The following TPM3 variants were observed in gnomAD, a reference collection of about 807,000 sequenced individuals.
TPM3 encodes the protein tropomyosin alpha-3 chain.
In TPM3, 16 loss-of-function variants were observed where a neutral mutation model predicts 43.1. The ratio of observed to expected loss-of-function variants is 0.37; its 90% confidence interval spans 0.25 to 0.56. The LOEUF is 0.56. Among genes scored for constraint, TPM3 ranks in the 20% least tolerant of loss-of-function variants. TPM3 has a pLI of 0.77. For missense variants in TPM3, 176 were observed against 337.2 expected (o/e 0.52, Z 3.74); for synonymous variants, 101 against 116.9 (o/e 0.86, Z 0.88).
At chr1:154,170,126 G>C in intron 8 of TPM3, 1 of 459,236 alleles carries the variant, frequency 2.2e-6, no homozygotes, top group Non-Finnish European at 4.0e-6. Flanking sequence ...TAATAAATTG[G>C]AGGTAAATGC....
rs1661006042 is a variant in TPM3 at position 154,166,655 on chromosome 1, G to C, written c.*1282C>G. On this transcript the variant is annotated 3_prime_UTR_variant, in exon 10 of 10. Coordinates refer to ENST00000651641, the MANE Select transcript of TPM3 (RefSeq NM_152263.4). Reference sequence around the variant, plus strand: ...GTATAATTCACAGCTATACTATTAAGAAATCTCTGCTGTGTAAATTGGAAT... The same window carrying C: ...GTATAATTCACAGCTATACTATTAACAAATCTCTGCTGTGTAAATTGGAAT... The C allele has an allele frequency of 9.7e-7, 1 of 1,028,506 alleles. No individual in the cohort carries two copies. Among genetic ancestry groups the C allele is most frequent in the African/African-American group, 1.7e-5 (1 of 58,830 alleles). The allele number at this position is 1,028,506 out of a possible 1,614,324, so 63.7% of individuals were successfully genotyped here.
intron 3 of TPM3, among the ~76,000 whole-genome samples, chr1:154,174,709 G>A (rs986606920): frequency 1.3e-5 from 2 of 150,956 alleles, no homozygotes; most frequent in African/African-American, 4.9e-5. Flanking sequence ...TGGCTGGGGT[G>A]GTCTTGAACT....
In TPM3 at chr1:154,188,256, AT is replaced by A. The variant is rs1409201254; in HGVS notation, c.243+2929del. 2.6e-5 allele frequency among the ~76,000 whole-genome samples: 4 copies of A among 151,578 alleles called. No individual in the cohort carries two copies. The East Asian group carries it at 7.7e-4, about 29-fold the overall frequency. ...TTTTTTGTAAAGATAGGGCCTCACT[AT>A]GTTCCCCAGGCTGGTCTTGAACTCC... On this transcript the variant is annotated intron_variant, in intron 2 of 9. Transcript: ENST00000651641.
intron 2 of TPM3, among the ~76,000 whole-genome samples, chr1:154,181,674 C>G (rs1387411591): frequency 2.0e-5 from 3 of 152,184 alleles, no homozygotes; most frequent in Admixed American, 6.5e-5. Context: ...AATCCCAGCA[C>G]TTTGGGAGGC....
downstream of TPM3, chr1:154,155,372 C>T (rs1659691323): frequency 5.6e-6 from 2 of 355,198 alleles, no homozygotes; most frequent in Non-Finnish European, 1.0e-5. Context: ...TTTATCTTAA[C>T]ACCACACCCT....
chr1:154,185,315 G>T lies in TPM3; in HGVS notation c.243+5871C>A, dbSNP rs1663359907. ...TTAAATCCAGGAGGCAGAGGTTGCA[G>T]TGAGCTGAGATGGTGCCACTCTACT... is the stretch of plus-strand genomic sequence containing the variant. On this transcript the variant is annotated intron_variant, in intron 2 of 9. Transcript: ENST00000651641. Among the ~76,000 whole-genome samples the T allele has an allele frequency of 2.0e-5, 3 of 149,710 alleles. No homozygotes were observed. The South Asian group carries it at 6.3e-4, about 31-fold the overall frequency.
chr1:154,171,895 A>G, intron 5 of TPM3: 1 of 949,664 alleles, frequency 1.1e-6, no homozygotes, highest in South Asian at 1.3e-5. Flanking sequence ...AGTGGAAAAG[A>G]ATGGAGCATT....
rs377200139 is a variant in TPM3, at chr1:154,170,724, T to G, written c.643-13A>C. 13 of 1,583,930 alleles carry G rather than the reference T, an allele frequency of 8.2e-6. No individual in the cohort carries two copies. The African/African-American group carries it at 1.3e-4, about 16-fold the overall frequency. On this transcript the variant is annotated splice_polypyrimidine_tract_variant and intron_variant, in intron 6 of 9. Transcript: ENST00000651641. ...CTTTTTGAGAGTACTGTAAGATAAGTAGATTAAAAATTTCAGAGTAGAAAT... is the reference window on the plus strand; with the variant it reads ...CTTTTTGAGAGTACTGTAAGATAAGGAGATTAAAAATTTCAGAGTAGAAAT...
At chr1:154,170,600 T>C (rs1487678127) in intron 7 of TPM3, 49 bp downstream of exon 7, 3 of 1,596,656 alleles carry the variant, frequency 1.9e-6, no homozygotes, top group South Asian at 1.1e-5. Context: ...TAATGCCTTA[T>C]ATACCTCTAA....
At position 154,174,368 on chromosome 1, in the gene TPM3, GTATATATATATATATA is replaced by G. The variant is rs34224787; in HGVS notation, c.378-1183_378-1168del. ...AAATAAATATTATTTAAATATATGT[GTATATATATATATATA>G]TATATATATATATATATATATATAC... On this transcript the variant is annotated intron_variant, in intron 3 of 9. Coordinates refer to ENST00000651641, the MANE Select transcript of TPM3 (RefSeq NM_152263.4). 3.9e-3 allele frequency among the ~76,000 whole-genome samples: 182 copies of G among 46,384 alleles called. 7 individuals are homozygous for G. Among genetic ancestry groups the G allele is most frequent in the Middle Eastern group, 0.021 (1 of 48 alleles). 30.4% of individuals were successfully genotyped at this position (46,384 alleles called of 152,430 possible).
rs1661109335 is a variant in TPM3 at position 154,167,512 on chromosome 1, G to A, written c.*425C>T. ...GGAATTTAATCTTGTTCAGCTTGAG[G>A]AGTATAACTAAAATTACTATCCTGA... is the stretch of plus-strand genomic sequence containing the variant. On this transcript the variant is annotated 3_prime_UTR_variant, in exon 10 of 10. Coordinates refer to ENST00000651641, the MANE Select transcript of TPM3 (RefSeq NM_152263.4). 9.2e-7 allele frequency: 1 copy of A among 1,090,720 alleles called. No homozygotes were observed. The highest frequency in any genetic ancestry group is 4.6e-5 in the Admixed American group (1 of 21,716). The allele number at this position is 1,090,720 out of a possible 1,614,324, so 67.6% of individuals were successfully genotyped here.
intron 2 of TPM3, among the ~76,000 whole-genome samples, chr1:154,178,870 G>C (rs1662639649): frequency 1.3e-5 from 2 of 152,176 alleles, no homozygotes; most frequent in African/African-American, 4.8e-5. Context: ...TCCTGGGTGA[G>C]GGATTGGGGA....
At chr1:154,190,027 C>T (rs6676022) in intron 2 of TPM3, among the ~76,000 whole-genome samples, 14,888 of 151,828 alleles carry the variant, frequency 0.098, 1,100 homozygotes, top group East Asian at 0.37. Context: ...ATGCAGCCTC[C>T]GCCTCCTGGG....
intron 2 of TPM3, among the ~76,000 whole-genome samples, chr1:154,189,740 G>C (rs371216572): frequency 3.4e-5 from 5 of 146,306 alleles, no homozygotes; most frequent in African/African-American, 1.3e-4. Context: ...GGAGATGGCA[G>C]TGAGCCGAGA....
chr1:154,191,141 C>T (rs777914811), intron 2 of TPM3, 45 bp downstream of exon 2: 2 of 1,613,700 alleles, frequency 1.2e-6, no homozygotes, highest in Non-Finnish European at 1.7e-6. Context: ...ACATAAAGAT[C>T]TATATGTGTA....
In TPM3 at chr1:154,185,807, G is replaced by A. The variant is rs187216404; in HGVS notation, c.243+5379C>T. On this transcript the variant is annotated intron_variant, in intron 2 of 9. Transcript: ENST00000651641. ...CACAATAGTAAAGAGACTTGAGAAC[G>A]TTATCTTCCCTCTTATTTCTTTGTA... Among the ~76,000 whole-genome samples, 35 of 151,418 alleles carry A rather than the reference G, an allele frequency of 2.3e-4. No individual in the cohort carries two copies. In the East Asian group the frequency reaches 5.8e-3, roughly 25 times the overall value.
At chr1:154,191,589 T>C (rs1663683022) in intron 1 of TPM3, 3 of 1,382,638 alleles carry the variant, frequency 2.2e-6, no homozygotes, top group East Asian at 2.7e-5. Flanking sequence ...GTGATGCTAT[T>C]TGAGTGAAAA....
At chr1:154,189,474 C>CGA (rs1327261430) in intron 2 of TPM3, among the ~76,000 whole-genome samples, 1 of 149,046 alleles carries the variant, frequency 6.7e-6, no homozygotes, top group Non-Finnish European at 1.5e-5. Flanking sequence ...GGCAACAGAG[C>CGA]GAGACTCCAT....
chr1:154,190,858 T>A (rs1170403700), intron 2 of TPM3, among the ~76,000 whole-genome samples: 1 of 151,940 alleles, frequency 6.6e-6, no homozygotes, highest in Admixed American at 6.6e-5. Context: ...GGGGAGGAGG[T>A]AGGATAAGTG....
Sources: allele counts gnomAD v4.1 joint callset (sites outside exome capture counted in the v4.1 genomes callset), GRCh38; gene constraint gnomAD v4.1.1; transcripts MANE v1.5; gene names NCBI Gene and HGNC (gene_info 2026-07-23, HGNC 2026-07-21).